EPB41: variants seen among roughly 807,000 people sequenced by gnomAD.
The protein encoded by EPB41 is erythrocyte membrane protein band 4.1.
A neutral mutation model predicts 108.0 loss-of-function variants in EPB41; 65 were observed. The ratio of observed to expected loss-of-function variants is 0.60; its 90% confidence interval spans 0.49 to 0.74. EPB41 has a LOEUF of 0.74. EPB41 is among the 30% of genes least tolerant of loss of function. EPB41 has a pLI of 0.00. For missense variants in EPB41, 875 were observed against 1,037.0 expected, an observed-to-expected ratio of 0.84 and a Z score of 2.15; for synonymous variants, 336 against 358.9, an observed-to-expected ratio of 0.94 and a Z score of 0.72.
chr1:29,032,100 A>G (rs1222946268), intron 8 of EPB41, among the ~76,000 whole-genome samples: 1 of 150,050 alleles, frequency 6.7e-6, no homozygotes, highest in Non-Finnish European at 1.5e-5. Flanking sequence ...TCTGTCTTAA[A>G]AAAAAAAAAA....
chr1:28,919,199 A>G (rs1370947148), intron 1 of EPB41, among the ~76,000 whole-genome samples: 1 of 152,170 alleles, frequency 6.6e-6, no homozygotes, highest in Non-Finnish European at 1.5e-5. Context: ...GTTTATACTT[A>G]TTTTGCTGAT....
intron 1 of EPB41, among the ~76,000 whole-genome samples, chr1:28,955,049 G>A (rs780637874): frequency 1.1e-4 from 16 of 152,132 alleles, no homozygotes; most frequent in Non-Finnish European, 2.1e-4. Context: ...AGCAGTATTG[G>A]TGCATGTGAC....
intron 11 of EPB41, among the ~76,000 whole-genome samples, chr1:29,039,816 A>G (rs910392091): frequency 6.6e-6 from 1 of 152,102 alleles, no homozygotes; most frequent in Admixed American, 6.6e-5. Flanking sequence ...TCTGTCTCAA[A>G]AAAAAAAGAA....
chr1:29,096,315 T>C (rs1663212889), intron 16 of EPB41: 3 of 985,822 alleles, frequency 3.0e-6, no homozygotes, highest in East Asian at 1.1e-4. Flanking sequence ...TTTGGCTCCC[T>C]CTCCATAAGC....
At chr1:28,953,048 C>A (rs1471395764) in intron 1 of EPB41, among the ~76,000 whole-genome samples, 1 of 150,430 alleles carries the variant, frequency 6.6e-6, no homozygotes, top group East Asian at 2.0e-4. Context: ...ATTTAGTGTT[C>A]AAATTTCTAG....
At position 29,018,271 on chromosome 1, in the gene EPB41, T is replaced by C. The variant is rs2096602286; in HGVS notation, c.953T>C (p.Leu318Pro). The C allele has an allele frequency of 6.2e-7, 1 of 1,614,208 alleles. No homozygotes were observed. Among genetic ancestry groups the C allele is most frequent in the East Asian group, 2.2e-5 (1 of 44,888 alleles). Residue 318 changes from leucine (L) to proline (P), a missense_variant, in exon 7 of 21, where the codon CTG becomes CCG. Coordinates refer to ENST00000343067, the MANE Select transcript of EPB41 (RefSeq NM_001376013.1). The surrounding 1 kb of genome is among the most constrained non-coding windows in gnomAD (Gnocchi z 4.4). ...CGGCAGGACATAGTTGCAGGACGTC[T>C]GCCCTGTTCCTTTGCAACCTTAGCA... ...QLRQDIVAGR[L>P]PCSFATLALL...
chr1:28,909,312 C>T lies in EPB41; in HGVS notation c.-8+22102C>T, dbSNP rs570349747. On this transcript the variant is annotated intron_variant, in intron 1 of 16. Transcript: ENST00000347529. Reference sequence around the variant, plus strand: ...TAATATATGTACACTGAAAAGTACACAAATAAGAAGCTAGGTACAGTGGCC... The same window carrying T: ...TAATATATGTACACTGAAAAGTACATAAATAAGAAGCTAGGTACAGTGGCC... Among the ~76,000 whole-genome samples, 15 of 151,876 alleles carry T rather than the reference C, an allele frequency of 9.9e-5. No homozygotes were observed. In the South Asian group the frequency reaches 2.9e-3, roughly 29 times the overall value.
chr1:28,967,765 C>G (rs546194232), intron 1 of EPB41, among the ~76,000 whole-genome samples: 1 of 151,694 alleles, frequency 6.6e-6, no homozygotes, highest in Non-Finnish European at 1.5e-5. Context: ...GCCACTGAAC[C>G]CAGCCTTTTT....
chr1:29,073,422 C>G (rs911846841), intron 16 of EPB41, among the ~76,000 whole-genome samples: 2 of 152,094 alleles, frequency 1.3e-5, no homozygotes, highest in East Asian at 3.9e-4. Context: ...GTAATAAATT[C>G]CAGGAACCAG....
At position 28,927,588 on chromosome 1, in the gene EPB41, T is replaced by C. The variant is rs546414545; in HGVS notation, c.-8+12820T>C. ...CTCTGTGTATGCTAATTAATTTAAATATTTCTGTGTTTTACATCCAATCTA... is the reference window on the plus strand; with the variant it reads ...CTCTGTGTATGCTAATTAATTTAAACATTTCTGTGTTTTACATCCAATCTA... On this transcript the variant is annotated intron_variant, in intron 1 of 20. Transcript: ENST00000343067. 1.2e-4 allele frequency among the ~76,000 whole-genome samples: 19 copies of C among 152,298 alleles called. No individual in the cohort carries two copies. In the Middle Eastern group the frequency reaches 0.014, roughly 109 times the overall value.
intron 8 of EPB41, among the ~76,000 whole-genome samples, chr1:29,030,934 T>A (rs1348524089): frequency 6.6e-6 from 1 of 151,950 alleles, no homozygotes; most frequent in Non-Finnish European, 1.5e-5. Flanking sequence ...GCCATTCTCC[T>A]GCCTCAGCCT....
intron 6 of EPB41, among the ~76,000 whole-genome samples, chr1:29,015,979 C>T (rs1157583219): frequency 6.6e-6 from 1 of 152,180 alleles, no homozygotes; most frequent in African/African-American, 2.4e-5. Context: ...TGACCTGTAT[C>T]ATAAGTATCA....
intron 16 of EPB41, chr1:29,071,224 A>C (rs981667596): frequency 1.3e-5 from 2 of 152,208 alleles, no homozygotes; most frequent in Non-Finnish European, 2.9e-5. Flanking sequence ...TGAGCTGTAC[A>C]GGGACAGACA....
chr1:28,916,216 A>G (rs1464984312), intron 1 of EPB41, among the ~76,000 whole-genome samples: 2 of 152,240 alleles, frequency 1.3e-5, no homozygotes, highest in Non-Finnish European at 2.9e-5. Context: ...ATAACTGAAC[A>G]CCAGATTGCC....
At chr1:29,061,392 C>T (rs905136252) in intron 15 of EPB41, among the ~76,000 whole-genome samples, 1 of 151,960 alleles carries the variant, frequency 6.6e-6, no homozygotes, top group Non-Finnish European at 1.5e-5. Context: ...GCCTCAGCTT[C>T]CCAAGTAGCT....
intron 11 of EPB41, among the ~76,000 whole-genome samples, chr1:29,040,864 G>A (rs1354776199): frequency 3.9e-5 from 6 of 151,970 alleles, no homozygotes; most frequent in South Asian, 4.1e-4. Flanking sequence ...GGCTGGGTGC[G>A]GTGGCTCACA....
At chr1:28,910,757 T>C (rs2092205713), upstream of EPB41, among the ~76,000 whole-genome samples, 4 of 152,106 alleles carry the variant, frequency 2.6e-5, no homozygotes, top group African/African-American at 7.2e-5. Flanking sequence ...TTTTTTTTTC[T>C]TTTTCTCTTT....
chr1:29,014,027 A>G (rs1030930699), intron 5 of EPB41, among the ~76,000 whole-genome samples: 1 of 151,970 alleles, frequency 6.6e-6, no homozygotes, highest in Non-Finnish European at 1.5e-5. Context: ...TTAAAAATCC[A>G]AGTATATGGC....
intron 7 of EPB41, among the ~76,000 whole-genome samples, chr1:29,025,810 A>G (rs539408901): frequency 6.6e-6 from 1 of 151,862 alleles, no homozygotes; most frequent in East Asian, 1.9e-4. Context: ...GGCTTGGGAT[A>G]TTGAGGCCTA....
Sources: allele counts gnomAD v4.1 joint callset (sites outside exome capture counted in the v4.1 genomes callset), GRCh38; gene constraint gnomAD v4.1.1; non-coding constraint Gnocchi (gnomAD v3.1); transcripts MANE v1.5; gene names NCBI Gene and HGNC (gene_info 2026-07-23, HGNC 2026-07-21).